SPIDR: variants seen among roughly 807,000 people sequenced by gnomAD.
The protein encoded by SPIDR is DNA repair-scaffolding protein.
Under a neutral mutation model 104.6 loss-of-function variants are expected in SPIDR, and 93 were observed. The ratio of observed to expected loss-of-function variants is 0.89; its 90% CI spans 0.75 to 1.06. The LOEUF (loss-of-function observed/expected upper bound fraction) is 1.06. Ranked by LOEUF, SPIDR falls within the 50% of genes least tolerant of loss-of-function variation. The probability of loss-of-function intolerance (pLI) is 0.00; values close to 1 mark genes in which losing one functional copy is unlikely to be tolerated. For missense variants in SPIDR, 1,154 were observed against 1,111.2 expected, an observed-to-expected ratio of 1.04 and a Z score of -0.55; for synonymous variants, 431 against 416.9, an observed-to-expected ratio of 1.03 and a Z score of -0.41.
In SPIDR at chr8:47,593,284, TCTC is replaced by T. The variant is rs543190623; in HGVS notation, c.1098-2521_1098-2519del. ...TCGACTTTATTGATTCTTTTCTCTT[TCTC>T]CTCCTTTCTGCTGTTGAACCTATTC... On this transcript the variant is annotated intron_variant, in intron 8 of 19. Coordinates refer to ENST00000297423, the MANE Select transcript of SPIDR (RefSeq NM_001080394.4). Among the ~76,000 whole-genome samples, 50 of 152,284 alleles carry T rather than the reference TCTC, an allele frequency of 3.3e-4. No individual in the cohort carries two copies. In the South Asian group the frequency reaches 9.9e-3, roughly 30 times the overall value.
chr8:47,622,579 T>A (rs1198481844), intron 10 of SPIDR, among the ~76,000 whole-genome samples: 1 of 151,992 alleles, frequency 6.6e-6, no homozygotes, highest in Non-Finnish European at 1.5e-5. Context: ...CAGGATGTCA[T>A]GGGAAGTAGG....
intron 8 of SPIDR, among the ~76,000 whole-genome samples, chr8:47,459,081 G>A (rs1220197303): frequency 1.3e-5 from 2 of 152,088 alleles, no homozygotes; most frequent in Non-Finnish European, 2.9e-5. Flanking sequence ...TTTCATCAGG[G>A]TTATTGGTCT....
At chr8:47,280,079 C>A in intron 2 of SPIDR, 62 bp downstream of exon 2, 1 of 1,507,486 alleles carries the variant, frequency 6.6e-7, no homozygotes, top group Non-Finnish European at 9.1e-7. Context: ...GTGTTCAGAA[C>A]ATTGTAATTA....
chr8:47,302,706 TC>T (rs2042339457), intron 5 of SPIDR, among the ~76,000 whole-genome samples: 1 of 152,152 alleles, frequency 6.6e-6, no homozygotes, highest in Admixed American at 6.5e-5. Flanking sequence ...TTGGTGGAGG[TC>T]CACTCCAGAC....
intron 10 of SPIDR, among the ~76,000 whole-genome samples, chr8:47,601,236 A>T (rs1239000274): frequency 6.6e-6 from 1 of 152,210 alleles, no homozygotes; most frequent in African/African-American, 2.4e-5. Context: ...TTTCTGTAGC[A>T]CATCTGAGAT....
intron 3 of SPIDR, 78 bp downstream of exon 3, chr8:47,284,172 G>C: frequency 7.9e-7 from 1 of 1,272,538 alleles, no homozygotes; most frequent in South Asian, 1.3e-5. Context: ...AAAATTTGCT[G>C]TTTTAAAAAA....
chr8:47,402,051 G>A (rs188574903), intron 6 of SPIDR, among the ~76,000 whole-genome samples: 8 of 152,234 alleles, frequency 5.3e-5, no homozygotes, highest in South Asian at 2.1e-4. Context: ...GCACCACATC[G>A]CACTTATTCC....
chr8:47,721,626 C>T (rs2083408324), intron 16 of SPIDR, among the ~76,000 whole-genome samples: 2 of 152,112 alleles, frequency 1.3e-5, no homozygotes, highest in Admixed American at 1.3e-4. Flanking sequence ...CACCTGCCAC[C>T]ATGCCCGGCT....
At chr8:47,652,264 G>A (rs1032366147) in intron 10 of SPIDR, among the ~76,000 whole-genome samples, 4 of 152,152 alleles carry the variant, frequency 2.6e-5, no homozygotes, top group Non-Finnish European at 4.4e-5. Flanking sequence ...AGTGACATAC[G>A]CTCCCAGCAG....
At chr8:47,366,479 G>T (rs1030911828) in intron 5 of SPIDR, among the ~76,000 whole-genome samples, 2 of 152,212 alleles carry the variant, frequency 1.3e-5, no homozygotes, top group South Asian at 4.1e-4. Context: ...AGGGAGGTCA[G>T]TGCAGGAGAC....
chr8:47,576,645 G>T (rs2059160533), intron 8 of SPIDR, among the ~76,000 whole-genome samples: 1 of 151,700 alleles, frequency 6.6e-6, no homozygotes, highest in South Asian at 2.1e-4. Flanking sequence ...TGTTGACCAG[G>T]CCGGTCTCAA....
chr8:47,580,190 G>C (rs1054456176), intron 8 of SPIDR, among the ~76,000 whole-genome samples: 2 of 152,192 alleles, frequency 1.3e-5, no homozygotes, highest in East Asian at 3.8e-4. Context: ...GATATCCACT[G>C]CTAATGATTG....
intron 7 of SPIDR, among the ~76,000 whole-genome samples, chr8:47,422,891 G>A (rs1444069436): frequency 3.3e-5 from 5 of 152,056 alleles, no homozygotes; most frequent in Admixed American, 2.6e-4. Flanking sequence ...ACTCCTACTT[G>A]TAACTTTTAA....
intron 8 of SPIDR, among the ~76,000 whole-genome samples, chr8:47,465,474 T>C (rs2074618134): frequency 6.6e-6 from 1 of 152,196 alleles, no homozygotes; most frequent in African/African-American, 2.4e-5. Context: ...GGCTCAAGCC[T>C]GTAATCCCAG....
chr8:47,350,251 T>C (rs981323285), intron 5 of SPIDR, among the ~76,000 whole-genome samples: 1 of 152,254 alleles, frequency 6.6e-6, no homozygotes, highest in African/African-American at 2.4e-5. Context: ...TGAGTGTGAT[T>C]GCTAAGATTA....
chr8:47,637,359 C>G (rs1232894979), intron 10 of SPIDR, among the ~76,000 whole-genome samples: 1 of 152,160 alleles, frequency 6.6e-6, no homozygotes, highest in Non-Finnish European at 1.5e-5. Context: ...CACTTGAGGC[C>G]CACAGTTCAA....
At chr8:47,492,250 C>T (rs1330073215) in intron 8 of SPIDR, among the ~76,000 whole-genome samples, 1 of 152,160 alleles carries the variant, frequency 6.6e-6, no homozygotes, top group Admixed American at 6.5e-5. Flanking sequence ...TTTCCATCTG[C>T]CAGACACAGA....
intron 14 of SPIDR, 84 bp downstream of exon 14, chr8:47,702,099 AC>A: frequency 1.9e-5 from 1 of 53,994 alleles, no homozygotes; most frequent in African/African-American, 1.1e-4. Flanking sequence ...TCTCTCTCTT[AC>A]ACACACACAC....
intron 8 of SPIDR, among the ~76,000 whole-genome samples, chr8:47,487,413 T>TTGAC: frequency 6.6e-6 from 1 of 152,186 alleles, no homozygotes; most frequent in East Asian, 1.9e-4. Flanking sequence ...ATGGGAGACT[T>TTGAC]TAACACCCCA....
Sources: allele counts gnomAD v4.1 joint callset (sites outside exome capture counted in the v4.1 genomes callset), GRCh38; gene constraint gnomAD v4.1.1; transcripts MANE v1.5; gene names NCBI Gene and HGNC (gene_info 2026-07-23, HGNC 2026-07-21).